The following CEP112 variants were observed in gnomAD, a reference collection of about 807,000 sequenced individuals.
CEP112 encodes the protein centrosomal protein of 112 kDa.
A neutral mutation model predicts 153.0 loss-of-function variants in CEP112; 127 were observed. The observed-to-expected ratio is 0.83, with a 90% CI of 0.72 to 0.96. CEP112 has a LOEUF of 0.96. Among genes scored for constraint, CEP112 ranks in the 40% least tolerant of loss-of-function variants. The pLI is 0.00. For missense variants in CEP112, 1,089 were observed against 1,101.2 expected (o/e 0.99, Z 0.16); for synonymous variants, 358 against 374.4 (o/e 0.96, Z 0.51).
chr17:65,829,775 G>T (rs921074343), intron 21 of CEP112, among the ~76,000 whole-genome samples: 20 of 151,938 alleles, frequency 1.3e-4, no homozygotes, highest in Admixed American at 4.6e-4. Context: ...AAAAGAAAAG[G>T]TACATCGTTT....
intron 23 of CEP112, among the ~76,000 whole-genome samples, chr17:65,699,603 A>G (rs527737889): frequency 9.2e-5 from 14 of 152,126 alleles, no homozygotes; most frequent in Admixed American, 5.9e-4. Context: ...CCCTTCAAGA[A>G]ATTGGCCACA....
chr17:65,845,083 G>T (rs1449153117), intron 21 of CEP112, among the ~76,000 whole-genome samples: 3 of 152,184 alleles, frequency 2.0e-5, no homozygotes, highest in Admixed American at 6.5e-5. Flanking sequence ...ACTTTGGGAG[G>T]CCAAGGCGAG....
intron 17 of CEP112, among the ~76,000 whole-genome samples, chr17:65,969,972 CAT>C (rs1169908915): frequency 7.2e-5 from 11 of 152,146 alleles, no homozygotes; most frequent in African/African-American, 2.7e-4. Flanking sequence ...GTATGTATAA[CAT>C]GCATATCACA....
chr17:66,142,670 GT>G (rs750264344), intron 4 of CEP112, among the ~76,000 whole-genome samples: 2 of 152,096 alleles, frequency 1.3e-5, no homozygotes, highest in African/African-American at 2.4e-5. Context: ...AAATGCGTGG[GT>G]TTATTTCTGG....
Position 66,183,064 on chromosome 17 carries a change from C to T in CEP112, c.106+130G>A, listed in dbSNP as rs982897144. The T allele has an allele frequency of 4.2e-5, 26 of 611,904 alleles. No homozygotes were observed. In the East Asian group the frequency reaches 5.7e-4, roughly 13 times the overall value. The allele number at this position is 611,904 out of a possible 1,614,324, so 37.9% of individuals were successfully genotyped here. On this transcript the variant is annotated intron_variant, in intron 2 of 26. Transcript: ENST00000535342. ...CTTGAACAACTCAGTGTAAACAGTCCTATGTCAATGGCAAAAATTGTTACT... is the reference window on the plus strand; with the variant it reads ...CTTGAACAACTCAGTGTAAACAGTCTTATGTCAATGGCAAAAATTGTTACT...
intron 23 of CEP112, among the ~76,000 whole-genome samples, chr17:65,736,796 A>G (rs980450309): frequency 2.0e-5 from 3 of 152,156 alleles, no homozygotes; most frequent in African/African-American, 4.8e-5. Flanking sequence ...CTGAGGATGC[A>G]GGGATTTCTT....
intron 21 of CEP112, among the ~76,000 whole-genome samples, chr17:65,842,340 T>C (rs1488627457): frequency 6.6e-6 from 1 of 152,138 alleles, no homozygotes; most frequent in East Asian, 1.9e-4. Flanking sequence ...AAGTAAAACA[T>C]AGTTTTCTAG....
intron 23 of CEP112, among the ~76,000 whole-genome samples, chr17:65,724,697 A>G (rs1451074111): frequency 6.6e-6 from 1 of 152,224 alleles, no homozygotes; most frequent in East Asian, 1.9e-4. Flanking sequence ...ATACATGTAA[A>G]TATAGGATCA....
chr17:65,916,059 C>A (rs529618836), intron 19 of CEP112, among the ~76,000 whole-genome samples: 1 of 152,280 alleles, frequency 6.6e-6, no homozygotes, highest in African/African-American at 2.4e-5. Flanking sequence ...TCCTTCACTT[C>A]ATCCAGGTCT....
At chr17:65,952,093 G>A (rs1277048089) in intron 18 of CEP112, among the ~76,000 whole-genome samples, 1 of 151,990 alleles carries the variant, frequency 6.6e-6, no homozygotes, top group Admixed American at 6.6e-5. Context: ...AACACACTTT[G>A]TATTTCCATC....
At chr17:66,151,907 T>C (rs951035242) in intron 4 of CEP112, among the ~76,000 whole-genome samples, 1 of 152,082 alleles carries the variant, frequency 6.6e-6, no homozygotes, top group Admixed American at 6.6e-5. Context: ...AATTAAAAAA[T>C]TTTAAAAAAA....
intron 4 of CEP112, among the ~76,000 whole-genome samples, chr17:66,138,204 C>G (rs535213585): frequency 6.6e-6 from 1 of 152,220 alleles, no homozygotes; most frequent in Non-Finnish European, 1.5e-5. Flanking sequence ...ACTGTAACTA[C>G]CTGTGGGAAA....
chr17:66,009,042 A>C (rs2145485961), intron 16 of CEP112, among the ~76,000 whole-genome samples: 1 of 152,262 alleles, frequency 6.6e-6, no homozygotes, highest in African/African-American at 2.4e-5. Context: ...TTGGATATAA[A>C]CCCAGAAGTG....
intron 6 of CEP112, among the ~76,000 whole-genome samples, chr17:66,099,598 AGAG>A (rs1236477755): frequency 2.0e-5 from 3 of 152,044 alleles, no homozygotes; most frequent in African/African-American, 7.2e-5. Context: ...TCAGTGTAGC[AGAG>A]GAGGAGGGCT....
At chr17:65,724,201 C>G (rs2050049973) in intron 23 of CEP112, among the ~76,000 whole-genome samples, 1 of 152,172 alleles carries the variant, frequency 6.6e-6, no homozygotes, top group Non-Finnish European at 1.5e-5. Flanking sequence ...TAGCAATAGC[C>G]TCCCATTGAC....
At chr17:65,665,775 C>T (rs1047872596) in intron 24 of CEP112, among the ~76,000 whole-genome samples, 28 of 152,334 alleles carry the variant, frequency 1.8e-4, no homozygotes, top group South Asian at 8.3e-4. Context: ...GCCATTTGTT[C>T]TTCAACCAAT....
intron 21 of CEP112, among the ~76,000 whole-genome samples, chr17:65,794,979 C>A (rs117672339): frequency 0.027 from 4,041 of 152,336 alleles, 93 homozygotes; most frequent in South Asian, 0.057. Flanking sequence ...CAGTATCTGA[C>A]ACAAGGCAGG....
At chr17:65,951,748 C>CT (rs1210055404) in intron 18 of CEP112, among the ~76,000 whole-genome samples, 4 of 118,814 alleles carry the variant, frequency 3.4e-5, no homozygotes, top group Non-Finnish European at 7.2e-5. Context: ...CCCCCGCCCC[C>CT]CCCTTTCTTC....
chr17:66,045,334 T>C (rs1009470004), intron 12 of CEP112, among the ~76,000 whole-genome samples: 2 of 152,126 alleles, frequency 1.3e-5, no homozygotes, highest in African/African-American at 4.8e-5. Flanking sequence ...CCTCCCAAAG[T>C]ACTGGGGTTA....
Sources: allele counts gnomAD v4.1 joint callset (sites outside exome capture counted in the v4.1 genomes callset), GRCh38; gene constraint gnomAD v4.1.1; transcripts MANE v1.5; gene names NCBI Gene and HGNC (gene_info 2026-07-23, HGNC 2026-07-21).